Variants in ZNF462 observed in about 807,000 individuals in gnomAD.
ZNF462 encodes the protein zinc finger protein 462.
ZNF462 carries 10 observed loss-of-function variants against 201.9 expected under a neutral mutation model. The ratio of observed to expected loss-of-function variants is 0.05; its 90% CI spans 0.03 to 0.08. The LOEUF (loss-of-function observed/expected upper bound fraction) is 0.08. Ranked by LOEUF, ZNF462 falls within the 10% of genes least tolerant of loss-of-function variation. The probability of loss-of-function intolerance (pLI) is 1.00; values close to 1 mark genes in which losing one functional copy is unlikely to be tolerated. For synonymous variants in ZNF462, 1,227 were observed against 1,193.3 expected, an observed-to-expected ratio of 1.03 and a Z score of -0.58; for missense variants, 2,523 against 3,168.3, an observed-to-expected ratio of 0.80 and a Z score of 4.89.
chr9:106,935,730 T>C lies in ZNF462; in HGVS notation c.6235+109T>C. ...CCTGCCTTACACTTGAGAATGTTAT[T>C]CTTGGGATGGATGTATATTCAGTTT... On this transcript the variant is annotated intron_variant, in intron 6 of 12. Transcript: ENST00000277225. The surrounding 1 kb of genome is among the most constrained non-coding windows in gnomAD (Gnocchi z 4.1). The C allele has an allele frequency of 1.3e-6, 1 of 797,324 alleles. No individual in the cohort carries two copies. Among genetic ancestry groups the C allele is most frequent in the Non-Finnish European group, 2.0e-6 (1 of 506,380 alleles). The allele number at this position is 797,324 out of a possible 1,614,324, so 49.4% of individuals were successfully genotyped here. A position where few individuals can be genotyped will look rare whatever the true frequency, so the allele number is the denominator to read the frequency against.
At chr9:106,875,289 T>A (rs185700560) in intron 1 of ZNF462, among the ~76,000 whole-genome samples, 3 of 152,302 alleles carry the variant, frequency 2.0e-5, no homozygotes, top group Admixed American at 2.0e-4. Context: ...AAAGAAATTC[T>A]TAAGTTTTTA....
At chr9:106,892,855 TC>T (rs919008010) in intron 1 of ZNF462, among the ~76,000 whole-genome samples, 5 of 152,150 alleles carry the variant, frequency 3.3e-5, no homozygotes, top group African/African-American at 1.2e-4. Context: ...CTTAATGGAT[TC>T]CACAGCTGTG....
Position 107,006,577 on chromosome 9 carries a change from G to A in ZNF462, c.7190-2968G>A, listed in dbSNP as rs1829559666. Among the ~76,000 whole-genome samples, 1 of 152,038 alleles carries A rather than the reference G, an allele frequency of 6.6e-6. No individual in the cohort carries two copies. The highest frequency in any genetic ancestry group is 1.5e-5 in the Non-Finnish European group (1 of 68,002). ...GAGCAGTTTTGCAGAATTTCTTTGT[G>A]TTTTCTGCTTGTTCTGTCTGCAAAC... is the stretch of plus-strand genomic sequence containing the variant. On this transcript the variant is annotated intron_variant, in intron 11 of 12. Transcript: ENST00000277225. The surrounding 1 kb of genome is among the most constrained non-coding windows in gnomAD (Gnocchi z 4.3).
chr9:106,925,451 G>A lies in ZNF462; in HGVS notation c.1539G>A (p.Leu513=), dbSNP rs776397136. The change falls in exon 3 of 13, where the codon CTG becomes CTA. Residue 513 remains leucine, a synonymous_variant. Transcript: ENST00000277225. This position sits in a 1 kb window ranked among gnomAD's most constrained non-coding sequence, Gnocchi z 7.9. Reference sequence around the variant, plus strand: ...AGAGTGAAAGCATTTCTTCCTCACTGAATGAAGGTGTGGTGTCTTATGAGA... The same window carrying A: ...AGAGTGAAAGCATTTCTTCCTCACTAAATGAAGGTGTGGTGTCTTATGAGA... ...NSQSESISSS[L]NEGVVSYESS... 2 of 1,614,172 alleles carry A rather than the reference G, an allele frequency of 1.2e-6. No individual in the cohort carries two copies. Among genetic ancestry groups the A allele is most frequent in the East Asian group, 4.5e-5 (2 of 44,882 alleles).
chr9:106,969,032 C>T (rs1025342649), intron 7 of ZNF462, among the ~76,000 whole-genome samples: 1 of 152,084 alleles, frequency 6.6e-6, no homozygotes, highest in African/African-American at 2.4e-5. Context: ...CACTTTAGTG[C>T]CCAAAGTGCT....
At chr9:106,965,403 A>G (rs1015039569) in intron 7 of ZNF462, among the ~76,000 whole-genome samples, 1 of 152,036 alleles carries the variant, frequency 6.6e-6, no homozygotes, top group Non-Finnish European at 1.5e-5. Context: ...TTAGAAGAAG[A>G]AACACCAGGT....
intron 10 of ZNF462, among the ~76,000 whole-genome samples, chr9:106,987,486 T>C (rs1021148612): frequency 1.3e-5 from 2 of 152,204 alleles, no homozygotes; most frequent in African/African-American, 4.8e-5. Flanking sequence ...TGTCTATTCA[T>C]GTCCTTAGCC....
At chr9:106,882,674 A>G (rs1828150455) in intron 1 of ZNF462, among the ~76,000 whole-genome samples, 1 of 152,274 alleles carries the variant, frequency 6.6e-6, no homozygotes, top group Non-Finnish European at 1.5e-5. Context: ...TAAATTTCAT[A>G]GAATTGAGTC....
rs980084459 is a variant in ZNF462 at position 106,963,997 on chromosome 9, T to C, written c.6428-8008T>C. Among the ~76,000 whole-genome samples, 1 of 144,098 alleles carries C rather than the reference T, an allele frequency of 6.9e-6. No homozygotes were observed. The highest frequency in any genetic ancestry group is 2.7e-5 in the African/African-American group (1 of 37,370). 94.5% of individuals were successfully genotyped at this position (144,098 alleles called of 152,430 possible). A position where few individuals can be genotyped will look rare whatever the true frequency, so the allele number is the denominator to read the frequency against. On this transcript the variant is annotated intron_variant, in intron 7 of 12. Transcript: ENST00000277225. The surrounding 1 kb of genome is among the most constrained non-coding windows in gnomAD (Gnocchi z 4.7). ...ACAAGATTTCCTTCTTTTTTAAGGCTAAATAATATTCGTGTGTGTGTGTGT... is the reference window on the plus strand; with the variant it reads ...ACAAGATTTCCTTCTTTTTTAAGGCCAAATAATATTCGTGTGTGTGTGTGT...
Position 106,923,521 on chromosome 9 carries a change from T to C in ZNF462, c.138T>C (p.Cys46=). 1 of 1,614,258 alleles carries C rather than the reference T, an allele frequency of 6.2e-7. No homozygotes were observed. The highest frequency in any genetic ancestry group is 8.5e-7 in the Non-Finnish European group (1 of 1,180,042). The change falls in exon 2 of 13, where the codon TGT becomes TGC. Residue 46 remains cysteine (C), a synonymous_variant. Transcript: ENST00000277225. This position sits in a 1 kb window ranked among gnomAD's most constrained non-coding sequence, Gnocchi z 5.6. ...AGGACAATGTGAATGAGCTACGATGTGGGTCCGTGAATGCCAGTAATCAGA... is the reference window on the plus strand; with the variant it reads ...AGGACAATGTGAATGAGCTACGATGCGGGTCCGTGAATGCCAGTAATCAGA... ...VAEDNVNELR[C]GSVNASNQTE...
At chr9:106,922,490 G>C (rs1333532168) in intron 1 of ZNF462, among the ~76,000 whole-genome samples, 2 of 152,154 alleles carry the variant, frequency 1.3e-5, no homozygotes, top group Admixed American at 6.5e-5. Context: ...TGTTTGTAAA[G>C]GAAAGAAGTG....
Position 106,968,127 on chromosome 9 carries a change from G to C in ZNF462, c.6428-3878G>C, listed in dbSNP as rs1832165004. 1.3e-5 allele frequency among the ~76,000 whole-genome samples: 2 copies of C among 152,170 alleles called. No homozygotes were observed. Among genetic ancestry groups the C allele is most frequent in the South Asian group, 2.1e-4 (1 of 4,830 alleles). Reference sequence around the variant, plus strand: ...ACCCTAGAGGTCACCATTGAGAACAGATGCCTAAGACACAAGACTCAGACT... The same window carrying C: ...ACCCTAGAGGTCACCATTGAGAACACATGCCTAAGACACAAGACTCAGACT... On this transcript the variant is annotated intron_variant, in intron 7 of 12. Transcript: ENST00000277225. This position sits in a 1 kb window ranked among gnomAD's most constrained non-coding sequence, Gnocchi z 4.0.
rs1242092962 is a variant in ZNF462, at chr9:106,962,914, C to G, written c.6428-9091C>G. ...ACTGATGACAGTAGACAAGGAGGTGCCAGAGTCCTTGGCCTGGAGATTTTC... is the reference window on the plus strand; with the variant it reads ...ACTGATGACAGTAGACAAGGAGGTGGCAGAGTCCTTGGCCTGGAGATTTTC... On this transcript the variant is annotated intron_variant, in intron 7 of 12. Transcript: ENST00000277225. This position sits in a 1 kb window ranked among gnomAD's most constrained non-coding sequence, Gnocchi z 4.6. Among the ~76,000 whole-genome samples, 1 of 151,882 alleles carries G rather than the reference C, an allele frequency of 6.6e-6. No individual in the cohort carries two copies. The highest frequency in any genetic ancestry group is 1.5e-5 in the Non-Finnish European group (1 of 67,962).
rs1269938710 is a variant in ZNF462 at position 106,993,045 on chromosome 9, A to G, written c.7056+8636A>G. Among the ~76,000 whole-genome samples, 2 of 152,136 alleles carry G rather than the reference A, an allele frequency of 1.3e-5. No individual in the cohort carries two copies. Among genetic ancestry groups the G allele is most frequent in the Non-Finnish European group, 2.9e-5 (2 of 68,014 alleles). On this transcript the variant is annotated intron_variant, in intron 10 of 12. Transcript: ENST00000277225. This position sits in a 1 kb window ranked among gnomAD's most constrained non-coding sequence, Gnocchi z 4.0. Reference sequence around the variant, plus strand: ...ACTTTTTTTCCCAGTAAAACAGTGCATTGCTCATTATATTCTTCTACAAAT... The same window carrying G: ...ACTTTTTTTCCCAGTAAAACAGTGCGTTGCTCATTATATTCTTCTACAAAT...
chr9:106,987,628 T>A (rs1329380470), intron 10 of ZNF462, among the ~76,000 whole-genome samples: 3 of 152,204 alleles, frequency 2.0e-5, no homozygotes, highest in African/African-American at 7.2e-5. Context: ...TTTACTCTGC[T>A]AACTATTCTT....
At chr9:106,877,221 A>G (rs1222595173) in intron 1 of ZNF462, among the ~76,000 whole-genome samples, 2 of 151,120 alleles carry the variant, frequency 1.3e-5, no homozygotes, top group African/African-American at 4.9e-5. Context: ...TTAGTGGGAA[A>G]GATGAAGAAC....
intron 1 of ZNF462, among the ~76,000 whole-genome samples, chr9:106,914,044 G>A (rs576650627): frequency 7.4e-6 from 1 of 134,656 alleles, no homozygotes; most frequent in Admixed American, 7.5e-5. Context: ...TTTTTTTTCT[G>A]AAGAGATTTT....
rs1564062298 is a variant in ZNF462, at chr9:106,864,041, T to TCG, written c.-31+687_-31+688insGC. 2.7e-3 allele frequency among the ~76,000 whole-genome samples: 65 copies of TCG among 24,002 alleles called. 2 individuals are homozygous for TCG. Among genetic ancestry groups the TCG allele is most frequent in the Non-Finnish European group, 3.6e-3 (38 of 10,588 alleles). 15.7% of individuals were successfully genotyped at this position (24,002 alleles called of 152,430 possible). A position where few individuals can be genotyped will look rare whatever the true frequency, so the allele number is the denominator to read the frequency against. On this transcript the variant is annotated intron_variant, in intron 1 of 12. Transcript: ENST00000277225. ...CCCCCCTCTTCCTCAGGTATTTGGC[T>TCG]CTCTCTCTCTCTCTCTCTCTCTCTC...
chr9:106,985,550 ATTTG>A (rs1329894596), intron 10 of ZNF462, among the ~76,000 whole-genome samples: 10 of 152,178 alleles, frequency 6.6e-5, no homozygotes, highest in Non-Finnish European at 1.5e-4. Context: ...TATAATTAGT[ATTTG>A]TTTAATGACA....
Sources: gnomAD v4.1 joint callset for allele counts (sites outside exome capture counted in the v4.1 genomes callset) on GRCh38, gnomAD v4.1.1 for gene constraint, Gnocchi (gnomAD v3.1) non-coding constraint, MANE v1.5 for transcripts, NCBI Gene and HGNC (gene_info 2026-07-23, HGNC 2026-07-21) for gene names.